The following PEX1 variants were observed in gnomAD, a reference collection of about 807,000 sequenced individuals.
The protein encoded by PEX1 is peroxisomal biogenesis factor 1, also known as peroxisomal ATPase PEX1.
PEX1 carries 97 observed loss-of-function variants against 152.5 expected under a neutral mutation model. The ratio of observed to expected loss-of-function variants is 0.64; its 90% CI spans 0.54 to 0.75. The LOEUF is 0.75. Ranked by LOEUF, PEX1 falls within the 30% of genes least tolerant of loss-of-function variation. The probability of loss-of-function intolerance (pLI) is 0.00; values close to 1 mark genes in which losing one functional copy is unlikely to be tolerated. For missense variants in PEX1, 1,357 were observed against 1,516.3 expected, an observed-to-expected ratio of 0.89 and a Z score of 1.74; for synonymous variants, 485 against 531.6, an observed-to-expected ratio of 0.91 and a Z score of 1.21.
At chr7:92,502,171 A>G (rs894760129) in intron 13 of PEX1, 92 bp from the exon 14 acceptor site, 2 of 935,636 alleles carry the variant, frequency 2.1e-6, no homozygotes, top group Non-Finnish European at 3.3e-6. Context: ...TGACAAATCT[A>G]TAGTGACAGA....
chr7:92,502,535 A>C (rs936086159), intron 13 of PEX1, among the ~76,000 whole-genome samples: 1 of 152,166 alleles, frequency 6.6e-6, no homozygotes, highest in African/African-American at 2.4e-5. Flanking sequence ...ATACCATTCT[A>C]TTATCCTTAA....
At chr7:92,512,909 G>C (rs1334769503) in intron 6 of PEX1, among the ~76,000 whole-genome samples, 1 of 152,000 alleles carries the variant, frequency 6.6e-6, no homozygotes, top group African/African-American at 2.4e-5. Flanking sequence ...AGGATTACAG[G>C]TGTGAGCCAC....
chr7:92,511,028 C>G lies in PEX1; in HGVS notation c.1503G>C (p.Leu501=). The change falls in exon 8 of 24, where the codon CTG becomes CTC. Residue 501 remains leucine (L), a synonymous_variant. Transcript: ENST00000248633. ...CTTTTTCCCAAGAATGAACTATACT[C>G]AGAGAAAATTCCTTCAGTCCTATTA... is the stretch of plus-strand genomic sequence containing the variant. ...ETKDGLKEFS[L]SIVHSWEKEK... is the part of the protein sequence containing the mutation. 1.3e-6 allele frequency: 2 copies of G among 1,535,278 alleles called. No homozygotes were observed. Among genetic ancestry groups the G allele is most frequent in the Non-Finnish European group, 1.8e-6 (2 of 1,109,690 alleles).
In PEX1 at chr7:92,528,443, G is replaced by A. The variant is rs1390972884; in HGVS notation, c.-8C>T. 6 of 1,580,046 alleles carry A rather than the reference G, an allele frequency of 3.8e-6. No individual in the cohort carries two copies. Among genetic ancestry groups the A allele is most frequent in the East Asian group, 2.3e-5 (1 of 43,342 alleles). On this transcript the variant is annotated 5_prime_UTR_variant, in exon 1 of 24. Coordinates refer to ENST00000248633, the MANE Select transcript of PEX1 (RefSeq NM_000466.3). Reference sequence around the variant, plus strand: ...GCGATCGCTGCCCCACATCGTCCCGGAGCGTCGCTCTGGGTTCGCCCACCC... The same window carrying A: ...GCGATCGCTGCCCCACATCGTCCCGAAGCGTCGCTCTGGGTTCGCCCACCC...
rs949139184 is a variant in PEX1 at position 92,514,024 on chromosome 7, T to G, written c.1240-57A>C. On this transcript the variant is annotated intron_variant, in intron 5 of 23. Transcript: ENST00000248633. ...ATATTCAAAGCTTGGTTAAGAAATA[T>G]TTCATAGCATAAATATTGATATATT... is the stretch of plus-strand genomic sequence containing the variant. 2.7e-6 allele frequency: 3 copies of G among 1,128,850 alleles called. No homozygotes were observed. The African/African-American group carries it at 4.7e-5, about 18-fold the overall frequency. The allele number at this position is 1,128,850 out of a possible 1,614,324, so 69.9% of individuals were successfully genotyped here.
intron 11 of PEX1, among the ~76,000 whole-genome samples, chr7:92,505,312 T>C (rs1199808403): frequency 6.7e-6 from 1 of 149,320 alleles, no homozygotes; most frequent in Non-Finnish European, 1.5e-5. Context: ...ACTCGGGAGG[T>C]TGAGGCACGA....
intron 20 of PEX1, 97 bp from the exon 21 acceptor site, chr7:92,491,599 A>G (rs1269539993): frequency 1.3e-6 from 1 of 745,746 alleles, no homozygotes; most frequent in African/African-American, 1.8e-5. Context: ...GAGCAATACA[A>G]GAAACTTAGA....
At chr7:92,512,234 C>A (rs1792507524) in intron 6 of PEX1, among the ~76,000 whole-genome samples, 1 of 152,200 alleles carries the variant, frequency 6.6e-6, no homozygotes, top group Non-Finnish European at 1.5e-5. Flanking sequence ...GTTGGCCAGG[C>A]TGGTCTCAAA....
At chr7:92,513,148 G>A (rs1241133124) in intron 6 of PEX1, among the ~76,000 whole-genome samples, 1 of 152,094 alleles carries the variant, frequency 6.6e-6, no homozygotes, top group Non-Finnish European at 1.5e-5. Context: ...ATAAGTATTT[G>A]TGTTATCATT....
chr7:92,491,779 T>A (rs1257262636), intron 20 of PEX1, among the ~76,000 whole-genome samples: 1 of 152,202 alleles, frequency 6.6e-6, no homozygotes, highest in African/African-American at 2.4e-5. Context: ...TATTTTTATG[T>A]CTCTGACTTT....
chr7:92,515,071 A>ATCTATC (rs1792668413), intron 5 of PEX1, among the ~76,000 whole-genome samples: 7 of 3,214 alleles, frequency 2.2e-3, no homozygotes, highest in Non-Finnish European at 1.4e-3. Flanking sequence ...AATTATCTAT[A>ATCTATC]TATATATATA....
In PEX1 at chr7:92,501,606, A is replaced by G. The variant is rs759689915; in HGVS notation, c.2484T>C (p.Ser828=). ...LRGFLPASLR[S]VNLHKPRDLG... is the part of the protein sequence containing the mutation. Reference sequence around the variant, plus strand: ...GGTCTCTAGGTTTATGCAGGTTGACACTTCGCAAAGACGCAGGAAGAAATC... The same window carrying G: ...GGTCTCTAGGTTTATGCAGGTTGACGCTTCGCAAAGACGCAGGAAGAAATC... The change falls in exon 15 of 24, where the codon AGT becomes AGC. Residue 828 remains serine, a synonymous_variant. Coordinates refer to ENST00000248633, the MANE Select transcript of PEX1 (RefSeq NM_000466.3). The G allele has an allele frequency of 5.6e-6, 9 of 1,613,892 alleles. No individual in the cohort carries two copies. The highest frequency in any genetic ancestry group is 4.5e-5 in the East Asian group (2 of 44,888).
At position 92,494,406 on chromosome 7, in the gene PEX1, A is replaced by G; in HGVS notation, c.2927-10T>C. ...GCCAATACATAAACACCTAGAGGAA[A>G]AAAGAACATTTTTTTACCAAAATCT... On this transcript the variant is annotated splice_polypyrimidine_tract_variant and intron_variant, in intron 18 of 23. Coordinates refer to ENST00000248633, the MANE Select transcript of PEX1 (RefSeq NM_000466.3). 6.2e-7 allele frequency: 1 copy of G among 1,613,728 alleles called. No individual in the cohort carries two copies. The highest frequency in any genetic ancestry group is 8.5e-7 in the Non-Finnish European group (1 of 1,179,628).
Position 92,517,954 on chromosome 7 carries a change from A to G in PEX1, c.561T>C (p.Asn187=). The change falls in exon 5 of 24, where the codon AAT becomes AAC. Residue 187 remains asparagine, a synonymous_variant. Coordinates refer to ENST00000248633, the MANE Select transcript of PEX1 (RefSeq NM_000466.3). ...IQPKTRRAKE[N]TFSKADAEYK... ...ATTCAGCATCAGCTTTTGAAAATGT[A>G]TTCTCTTTGGCTCGGCGTGTCTTTG... 2 of 1,604,338 alleles carry G rather than the reference A, an allele frequency of 1.2e-6. No homozygotes were observed. The highest frequency in any genetic ancestry group is 1.1e-5 in the South Asian group (1 of 89,472).
At chr7:92,494,421 T>A (rs199737424) in intron 18 of PEX1, 25 bp from the exon 19 acceptor site, 3 of 1,612,446 alleles carry the variant, frequency 1.9e-6, no homozygotes, top group Admixed American at 3.3e-5. Flanking sequence ...AACATTTTTT[T>A]ACCAAAATCT....
intron 1 of PEX1, among the ~76,000 whole-genome samples, chr7:92,526,953 A>G (rs1460290546): frequency 6.6e-6 from 1 of 152,212 alleles, no homozygotes; most frequent in African/African-American, 2.4e-5. Context: ...AAATTTATAT[A>G]ATTCATCGAG....
At chr7:92,521,035 T>C (rs192572686) in intron 2 of PEX1, among the ~76,000 whole-genome samples, 4 of 152,310 alleles carry the variant, frequency 2.6e-5, no homozygotes, top group Admixed American at 2.0e-4. Context: ...TGCATAATCA[T>C]AGGTCACTCA....
At chr7:92,526,139 C>G (rs1793257669) in intron 1 of PEX1, among the ~76,000 whole-genome samples, 1 of 152,210 alleles carries the variant, frequency 6.6e-6, no homozygotes, top group African/African-American at 2.4e-5. Flanking sequence ...CAGAAACGAC[C>G]TAGATGCTTA....
At chr7:92,518,604 C>G (rs1402796750) in intron 3 of PEX1, among the ~76,000 whole-genome samples, 1 of 152,166 alleles carries the variant, frequency 6.6e-6, no homozygotes, top group Admixed American at 6.5e-5. Flanking sequence ...AGGTCTCACT[C>G]TGTTTTCCAG....
Sources: gnomAD v4.1 joint callset for allele counts (sites outside exome capture counted in the v4.1 genomes callset) on GRCh38, gnomAD v4.1.1 for gene constraint, MANE v1.5 for transcripts, NCBI Gene and HGNC (gene_info 2026-07-23, HGNC 2026-07-21) for gene names.